SLA: variants seen among roughly 807,000 people sequenced by gnomAD.
The protein encoded by SLA is src-like-adapter.
A neutral mutation model predicts 30.3 loss-of-function variants in SLA; 16 were observed. The ratio of observed to expected loss-of-function variants is 0.53; its 90% CI spans 0.36 to 0.80. The LOEUF (loss-of-function observed/expected upper bound fraction) is 0.80, where lower values mean the gene tolerates loss of function less well. Ranked by LOEUF, SLA falls within the 30% of genes least tolerant of loss-of-function variation. SLA has a pLI of 0.01. For missense variants in SLA, 310 were observed against 345.2 expected (o/e 0.90, Z 0.81); for synonymous variants, 143 against 137.8 (o/e 1.04, Z -0.26).
rs78151026 is a variant in SLA at position 133,040,055 on chromosome 8, G to A, written c.560C>T (p.Ala187Val). ...TQSTAAPAVRASSSPVTLRQK... is the reference protein window; with the variant it reads ...TQSTAAPAVRVSSSPVTLRQK... The stretch of plus-strand genomic sequence containing the variant: ...ACGCAAGGTGACAGGTGAGCTGGAG[G>A]CCCTCACTGCTGGGGCAGCCGTGCT... The change falls in exon 8 of 9, where the codon GCC becomes GTC. Residue 187 changes from alanine to valine, a missense_variant. Transcript: ENST00000338087. 9 of 1,553,834 alleles carry A rather than the reference G, an allele frequency of 5.8e-6. No homozygotes were observed. The highest frequency in any genetic ancestry group is 1.7e-4 in the Middle Eastern group (1 of 6,014).
chr8:133,096,354 A>G, intron 1 of SLA: 2 of 1,614,192 alleles, frequency 1.2e-6, no homozygotes, highest in Non-Finnish European at 1.7e-6. Flanking sequence ...GGGCTCATCA[A>G]CAGAGCAAAG....
chr8:133,078,902 A>G (rs4736625), intron 1 of SLA, among the ~76,000 whole-genome samples: 38,966 of 152,016 alleles, frequency 0.26, 5,309 homozygotes, highest in African/African-American at 0.31. Context: ...AGCAGAGGAG[A>G]CAGACACACA....
At chr8:133,089,494 C>T (rs746640071) in intron 1 of SLA, among the ~76,000 whole-genome samples, 31 of 152,180 alleles carry the variant, frequency 2.0e-4, no homozygotes, top group Non-Finnish European at 1.8e-4. Flanking sequence ...CCTCATTGCC[C>T]GTTGCCTAAA....
chr8:133,038,771 GAA>G (rs752784424), intron 8 of SLA, 34 bp from the exon 9 acceptor site: 1 of 1,454,426 alleles, frequency 6.9e-7, no homozygotes, highest in Non-Finnish European at 9.6e-7. Flanking sequence ...TAGAGAAAGG[GAA>G]AAAAAGAGAG....
At chr8:133,040,444 T>C (rs1369618603) in intron 7 of SLA, 2 of 316,550 alleles carry the variant, frequency 6.3e-6, no homozygotes, top group Non-Finnish European at 6.0e-6. Flanking sequence ...CAAGAACGTC[T>C]CTGAGCTTTC....
At chr8:133,093,927 G>T (rs780098552) in intron 1 of SLA, among the ~76,000 whole-genome samples, 2 of 152,212 alleles carry the variant, frequency 1.3e-5, no homozygotes, top group Non-Finnish European at 2.9e-5. Flanking sequence ...GAGTGAGTTT[G>T]TCGGAGCCCT....
At chr8:133,041,582 G>T (rs952844679) in intron 7 of SLA, among the ~76,000 whole-genome samples, 2 of 152,170 alleles carry the variant, frequency 1.3e-5, no homozygotes, top group Admixed American at 1.3e-4. Flanking sequence ...AGATGCAAAG[G>T]CTGGAGAGAT....
intron 2 of SLA, chr8:133,073,072 T>C (rs962728920): frequency 1.3e-5 from 2 of 152,256 alleles, no homozygotes; most frequent in Non-Finnish European, 1.5e-5. Flanking sequence ...CATGTAAACT[T>C]CTTTCAAACA....
In SLA at chr8:133,087,071, T is replaced by TACACACAC. The variant is rs56028043; in HGVS notation, c.-318-11949_-318-11942dup. Among the ~76,000 whole-genome samples the TACACACAC allele has an allele frequency of 4.5e-4, 64 of 143,132 alleles. 1 individual carries two copies. Among genetic ancestry groups the TACACACAC allele is most frequent in the African/African-American group, 1.5e-3 (56 of 38,136 alleles). 93.9% of individuals were successfully genotyped at this position (143,132 alleles called of 152,430 possible). On this transcript the variant is annotated intron_variant, in intron 1 of 8. Transcript: ENST00000338087. ...TGTATAGATTTCCTGAATATATGTT[T>TACACACAC]ACACACACACACACACACACACACA...
intron 2 of SLA, among the ~76,000 whole-genome samples, chr8:133,074,219 A>G (rs1304175850): frequency 1.3e-5 from 2 of 152,116 alleles, no homozygotes; most frequent in African/African-American, 4.8e-5. Flanking sequence ...CCCCATACAC[A>G]TACCACCTGC....
chr8:133,080,816 C>A (rs929961151), intron 1 of SLA, among the ~76,000 whole-genome samples: 1 of 152,196 alleles, frequency 6.6e-6, no homozygotes. Context: ...GGATGCCTTT[C>A]CCCCTGCAAG....
intron 2 of SLA, among the ~76,000 whole-genome samples, chr8:133,072,266 A>G (rs1412030265): frequency 1.3e-5 from 2 of 152,234 alleles, no homozygotes; most frequent in African/African-American, 4.8e-5. Flanking sequence ...TGTCTTAGCT[A>G]GAATTACCAT....
intron 3 of SLA, 34 bp from the exon 4 acceptor site, chr8:133,050,949 G>T (rs751667414): frequency 3.8e-6 from 5 of 1,319,064 alleles, no homozygotes; most frequent in Non-Finnish European, 5.5e-6. Context: ...AAGGGGGCAA[G>T]GTGCTTTTTA....
At chr8:133,072,107 C>T (rs1844147391) in intron 2 of SLA, among the ~76,000 whole-genome samples, 1 of 152,158 alleles carries the variant, frequency 6.6e-6, no homozygotes, top group Admixed American at 6.5e-5. Context: ...AGTCTCCCAA[C>T]TTCACTCACC....
chr8:133,096,521 G>A (rs2131645621), intron 1 of SLA: 3 of 973,276 alleles, frequency 3.1e-6, no homozygotes, highest in East Asian at 2.5e-5. Flanking sequence ...GTGGTAATGG[G>A]GGGATTTAGA....
At chr8:133,091,500 G>A (rs1359035506) in intron 1 of SLA, among the ~76,000 whole-genome samples, 4 of 152,150 alleles carry the variant, frequency 2.6e-5, no homozygotes, top group Admixed American at 1.3e-4. Flanking sequence ...GAGCTGCTCT[G>A]GGGAGGCTGC....
intron 1 of SLA, among the ~76,000 whole-genome samples, chr8:133,095,646 G>A (rs1023913487): frequency 5.3e-5 from 8 of 152,144 alleles, no homozygotes; most frequent in Non-Finnish European, 1.2e-4. Context: ...CCTTATATGG[G>A]ATAGCTGTGT....
intron 3 of SLA, among the ~76,000 whole-genome samples, chr8:133,055,399 A>G (rs77907479): frequency 1.7e-3 from 261 of 150,834 alleles, no homozygotes; most frequent in African/African-American, 6.2e-3. Flanking sequence ...ACACACACAC[A>G]CACACACAGG....
At chr8:133,071,348 T>C (rs28445135) in intron 2 of SLA, among the ~76,000 whole-genome samples, 40,233 of 152,106 alleles carry the variant, frequency 0.26, 5,412 homozygotes, top group South Asian at 0.31. Context: ...GGTACTGGAA[T>C]CCAGGCATCT....
Sources: allele counts gnomAD v4.1 joint callset (sites outside exome capture counted in the v4.1 genomes callset), GRCh38; gene constraint gnomAD v4.1.1; transcripts MANE v1.5; gene names NCBI Gene and HGNC (gene_info 2026-07-23, HGNC 2026-07-21).